NOVA1: variants seen among roughly 807,000 people sequenced by gnomAD.
The protein encoded by NOVA1 is NOVA alternative splicing regulator 1, also known as RNA-binding protein Nova-1.
A neutral mutation model predicts 38.0 loss-of-function variants in NOVA1; 7 were observed. That is an observed-to-expected ratio of 0.18 (90% CI 0.10 to 0.35). The LOEUF is 0.35. NOVA1 is among the 10% of genes least tolerant of loss of function. The pLI is 1.00. For synonymous variants in NOVA1, 270 were observed against 232.5 expected (o/e 1.16, Z -1.47); for missense variants, 460 against 616.0 (o/e 0.75, Z 2.68).
At chr14:26,474,716 T>C (rs1377675669) in intron 3 of NOVA1, among the ~76,000 whole-genome samples, 1 of 151,986 alleles carries the variant, frequency 6.6e-6, no homozygotes, top group East Asian at 1.9e-4. Flanking sequence ...CATTTTAATA[T>C]ATTTAATAAA....
chr14:26,554,961 T>C (rs1891392487), intron 2 of NOVA1, among the ~76,000 whole-genome samples: 1 of 152,156 alleles, frequency 6.6e-6, no homozygotes, highest in South Asian at 2.1e-4. Context: ...ATGAATATGT[T>C]TCGTGCATTT....
intron 4 of NOVA1, among the ~76,000 whole-genome samples, chr14:26,453,187 TG>T (rs879542384): frequency 0.23 from 27,035 of 117,516 alleles, 2,649 homozygotes; most frequent in East Asian, 0.4. Flanking sequence ...TATGTATGTA[TG>T]TATGTATGTA....
intron 2 of NOVA1, among the ~76,000 whole-genome samples, chr14:26,526,833 C>G (rs1566505222): frequency 6.6e-6 from 1 of 152,088 alleles, no homozygotes; most frequent in East Asian, 1.9e-4. Flanking sequence ...TGTGGTCTTG[C>G]AAATGCATGA....
intron 2 of NOVA1, among the ~76,000 whole-genome samples, chr14:26,582,336 T>C (rs571363960): frequency 6.6e-6 from 1 of 151,892 alleles, no homozygotes; most frequent in Non-Finnish European, 1.5e-5. Context: ...TTGAAGGTGC[T>C]TCAGTAAAAC....
intron 2 of NOVA1, among the ~76,000 whole-genome samples, chr14:26,481,410 C>T (rs1437134356): frequency 6.6e-6 from 1 of 151,996 alleles, no homozygotes; most frequent in Non-Finnish European, 1.5e-5. Context: ...TTCTGACACA[C>T]AGACCAATTT....
At chr14:26,470,617 G>A in intron 4 of NOVA1, 1 of 631,864 alleles carries the variant, frequency 1.6e-6, no homozygotes, top group Non-Finnish European at 2.8e-6. Flanking sequence ...AAGGGTAAAT[G>A]TAGCACTTTA....
intron 2 of NOVA1, among the ~76,000 whole-genome samples, chr14:26,591,013 A>C (rs370814752): frequency 6.6e-6 from 1 of 151,778 alleles, no homozygotes; most frequent in South Asian, 2.1e-4. Flanking sequence ...CTTTCTAAAA[A>C]CCCCACAAAA....
intron 2 of NOVA1, among the ~76,000 whole-genome samples, chr14:26,526,940 C>T (rs891194577): frequency 1.3e-5 from 2 of 152,102 alleles, no homozygotes; most frequent in Non-Finnish European, 2.9e-5. Context: ...ATCCCAAATG[C>T]AAGAGTCTGT....
At chr14:26,517,322 C>T (rs866085041) in intron 2 of NOVA1, among the ~76,000 whole-genome samples, 50 of 152,242 alleles carry the variant, frequency 3.3e-4, no homozygotes, top group Admixed American at 1.9e-3. Context: ...TGACTTATTT[C>T]CTCACAAAAT....
chr14:26,514,917 C>A (rs1406134319), intron 2 of NOVA1, among the ~76,000 whole-genome samples: 1 of 151,832 alleles, frequency 6.6e-6, no homozygotes, highest in Non-Finnish European at 1.5e-5. Context: ...ATATTTCTTT[C>A]ATTTTCTTCT....
At chr14:26,557,798 G>A (rs56178929) in intron 2 of NOVA1, among the ~76,000 whole-genome samples, 37,851 of 151,812 alleles carry the variant, frequency 0.25, 5,569 homozygotes, top group African/African-American at 0.4. Flanking sequence ...ATGCCTACAC[G>A]AAAACTTGCA....
At chr14:26,476,780 G>A (rs1209019060) in intron 3 of NOVA1, among the ~76,000 whole-genome samples, 2 of 145,396 alleles carry the variant, frequency 1.4e-5, no homozygotes, top group East Asian at 2.0e-4. Flanking sequence ...ACAATGGCGC[G>A]ATCTTGGCTC....
intron 2 of NOVA1, among the ~76,000 whole-genome samples, chr14:26,484,134 G>C (rs572546646): frequency 5.3e-5 from 8 of 151,902 alleles, no homozygotes; most frequent in Admixed American, 5.3e-4. Flanking sequence ...TATAGATGAA[G>C]GGTATAAAGA....
chr14:26,498,722 T>C (rs1594408549), intron 2 of NOVA1, among the ~76,000 whole-genome samples: 2 of 152,166 alleles, frequency 1.3e-5, no homozygotes, highest in African/African-American at 4.8e-5. Context: ...AGAGACTTAT[T>C]TCTGAGGGAG....
intron 2 of NOVA1, among the ~76,000 whole-genome samples, chr14:26,502,268 A>G (rs1372116357): frequency 1.3e-5 from 2 of 151,776 alleles, no homozygotes; most frequent in South Asian, 2.1e-4. Flanking sequence ...GAGCCTTTCT[A>G]TATTTGTAAG....
At chr14:26,493,073 C>T (rs993847982) in intron 2 of NOVA1, among the ~76,000 whole-genome samples, 12 of 152,166 alleles carry the variant, frequency 7.9e-5, no homozygotes, top group Non-Finnish European at 1.8e-4. Flanking sequence ...AACTCATTTG[C>T]TAAAAATTAT....
intron 3 of NOVA1, chr14:26,479,335 A>G (rs1383657253): frequency 2.6e-5 from 4 of 152,186 alleles, no homozygotes; most frequent in Non-Finnish European, 2.9e-5. Flanking sequence ...CCATTATTCA[A>G]TCTTAAAAAC....
chr14:26,543,049 T>C (rs934927462), intron 2 of NOVA1, among the ~76,000 whole-genome samples: 10 of 151,960 alleles, frequency 6.6e-5, no homozygotes, highest in Admixed American at 3.9e-4. Context: ...ATTGGAATTC[T>C]CCTAACACAA....
intron 2 of NOVA1, among the ~76,000 whole-genome samples, chr14:26,484,428 GAAAAAAAAAAAAAAAAAAAA>G (rs869087238): frequency 1.8e-5 from 1 of 56,436 alleles, no homozygotes; most frequent in Non-Finnish European, 2.9e-5. Flanking sequence ...ACTCCGTCTC[GAAAAAAAAAAAAAAAAAAAA>G]AAAAAAAAAA....
Sources: gnomAD v4.1 joint callset for allele counts (sites outside exome capture counted in the v4.1 genomes callset) on GRCh38, gnomAD v4.1.1 for gene constraint, MANE v1.5 for transcripts, NCBI Gene and HGNC (gene_info 2026-07-23, HGNC 2026-07-21) for gene names.